FER1L6: variants seen among roughly 807,000 people sequenced by gnomAD.
The protein encoded by FER1L6 is fer-1 like family member 6, also known as fer-1-like protein 6.
In FER1L6, 177 loss-of-function variants were observed where a neutral mutation model predicts 219.2. The observed-to-expected ratio is 0.81, with a 90% CI of 0.71 to 0.91. FER1L6 has a LOEUF of 0.91. FER1L6 is among the 40% of genes least tolerant of loss of function. FER1L6 has a pLI of 0.00. For missense variants in FER1L6, 2,153 were observed against 2,259.9 expected (o/e 0.95, Z 0.96); for synonymous variants, 768 against 824.3 (o/e 0.93, Z 1.17).
intron 1 of FER1L6, among the ~76,000 whole-genome samples, chr8:123,890,243 T>C (rs968274083): frequency 3.3e-5 from 5 of 152,074 alleles, no homozygotes; most frequent in African/African-American, 1.2e-4. Flanking sequence ...GCACAAAATG[T>C]ATAGTGGTAT....
chr8:124,002,922 T>G (rs1817481187), intron 12 of FER1L6, among the ~76,000 whole-genome samples: 1 of 152,166 alleles, frequency 6.6e-6, no homozygotes, highest in Non-Finnish European at 1.5e-5. Context: ...ATGACTCTTT[T>G]TTTAGTTGAT....
At chr8:124,075,827 C>A (rs922082873) in intron 31 of FER1L6, among the ~76,000 whole-genome samples, 1 of 152,168 alleles carries the variant, frequency 6.6e-6, no homozygotes, top group African/African-American at 2.4e-5. Flanking sequence ...CATCATTAAG[C>A]GGTGCGTGAC....
intron 1 of FER1L6, among the ~76,000 whole-genome samples, chr8:123,880,401 C>A (rs908128013): frequency 1.3e-5 from 2 of 152,146 alleles, no homozygotes; most frequent in African/African-American, 4.8e-5. Flanking sequence ...TCTTCAAGTC[C>A]AGTTTATTCA....
intron 1 of FER1L6, among the ~76,000 whole-genome samples, chr8:123,926,901 C>A (rs1813583628): frequency 6.6e-6 from 1 of 152,066 alleles, no homozygotes; most frequent in Non-Finnish European, 1.5e-5. Context: ...CTCTCTCTCT[C>A]CTAAAATCAG....
chr8:123,930,105 A>T (rs1338222292), intron 1 of FER1L6, among the ~76,000 whole-genome samples: 1 of 152,194 alleles, frequency 6.6e-6, no homozygotes, highest in Admixed American at 6.5e-5. Context: ...GTAACATAGA[A>T]AAATATCACA....
At position 124,037,766 on chromosome 8, in the gene FER1L6, G is replaced by A. The variant is rs117818473; in HGVS notation, c.2465-2116G>A. On this transcript the variant is annotated intron_variant, in intron 19 of 40. Coordinates refer to ENST00000522917, the MANE Select transcript of FER1L6 (RefSeq NM_001039112.2). ...GAGCCTCAAGACAATCAAGTAAGGA[G>A]TTGTCTTTGGCACCCCCTGCCTTTC... Among the ~76,000 whole-genome samples the A allele has an allele frequency of 7.4e-3, 1,128 of 152,068 alleles. 18 individuals carry two copies. The highest frequency in any genetic ancestry group is 0.011 in the Non-Finnish European group (729 of 67,918).
chr8:124,101,226 C>T lies in FER1L6; in HGVS notation c.5013C>T (p.Val1671=), dbSNP rs776798513. 7 of 1,613,856 alleles carry T rather than the reference C, an allele frequency of 4.3e-6. 1 individual carries two copies. The South Asian group carries it at 7.7e-5, about 18-fold the overall frequency. ...ATCTCCCAGCTGAGAAGCAAATGGT[C>T]ATTACCAAGAGGGAGAACATCTTCT... ...FQYLPAEKQM[V]ITKRENIFSL... is the part of the protein sequence containing the mutation. Residue 1671 remains valine, a synonymous_variant, in exon 38 of 41, where the codon GTC becomes GTT. Coordinates refer to ENST00000522917, the MANE Select transcript of FER1L6 (RefSeq NM_001039112.2).
At position 124,049,674 on chromosome 8, in the gene FER1L6, A is replaced by G. The variant is rs745326277; in HGVS notation, c.2792A>G (p.Glu931Gly). The G allele has an allele frequency of 5.6e-6, 9 of 1,614,010 alleles. No homozygotes were observed. In the South Asian group the frequency reaches 9.9e-5, roughly 18 times the overall value. ...PVVKLADQDY[E>G]PPRLCYHPIF... ...GTGAAGCTGGCTGACCAGGACTATG[A>G]GCCCCCCAGGTTATGCTATCACCCC... Residue 931 changes from glutamate to glycine, a missense_variant, in exon 22 of 41, where the codon GAG becomes GGG. Transcript: ENST00000522917.
Position 123,910,180 on chromosome 8 carries a change from A to C in FER1L6, c.-7-45812A>C, listed in dbSNP as rs1032109755. On this transcript the variant is annotated intron_variant, in intron 1 of 40. Coordinates refer to ENST00000522917, the MANE Select transcript of FER1L6 (RefSeq NM_001039112.2). ...TGTCTGACCCGGCAGCAGCAGATTC[A>C]TCTGCTGATCAGTGGTCTAGGGTAT... Among the ~76,000 whole-genome samples the C allele has an allele frequency of 2.0e-5, 3 of 152,200 alleles. 1 individual carries two copies.
At chr8:123,958,403 A>T (rs1399762125) in intron 2 of FER1L6, among the ~76,000 whole-genome samples, 2 of 152,270 alleles carry the variant, frequency 1.3e-5, no homozygotes, top group Non-Finnish European at 1.5e-5. Flanking sequence ...AGCATGGGTC[A>T]GGCTCCAGGT....
chr8:123,946,513 C>T (rs577840806), intron 1 of FER1L6, among the ~76,000 whole-genome samples: 2 of 152,336 alleles, frequency 1.3e-5, no homozygotes, highest in South Asian at 4.1e-4. Context: ...CTTGGCCTCC[C>T]AAAGTGCTGG....
In FER1L6 at chr8:124,119,698, G is replaced by A. The variant is rs190098903; in HGVS notation, c.5482G>A (p.Ala1828Thr). ...WKNYKKYIII[A>T]FILIILIIFL... is the part of the protein sequence containing the mutation. Reference sequence around the variant, plus strand: ...GAATTACAAAAAGTACATCATCATTGCTTTCATTCTCATCATCCTCATCAT... The same window carrying A: ...GAATTACAAAAAGTACATCATCATTACTTTCATTCTCATCATCCTCATCAT... Residue 1828 changes from alanine (A) to threonine (T), a missense_variant, in exon 41 of 41, where the codon GCT (alanine) becomes ACT (threonine). Transcript: ENST00000522917. 2 of 1,613,226 alleles carry A rather than the reference G, an allele frequency of 1.2e-6. No individual in the cohort carries two copies. The highest frequency in any genetic ancestry group is 1.7e-6 in the Non-Finnish European group (2 of 1,179,262).
chr8:124,051,955 G>A lies in FER1L6; in HGVS notation c.2874+2199G>A, dbSNP rs185893339. On this transcript the variant is annotated intron_variant, in intron 22 of 40. Transcript: ENST00000522917. ...TCTCTGTTAGGGGAGCTGAGGCTGGGTGAGAGTTCTTGGGGGAATGGATTA... is the reference window on the plus strand; with the variant it reads ...TCTCTGTTAGGGGAGCTGAGGCTGGATGAGAGTTCTTGGGGGAATGGATTA... 3.8e-3 allele frequency among the ~76,000 whole-genome samples: 576 copies of A among 152,294 alleles called. 4 individuals are homozygous for A. Among genetic ancestry groups the A allele is most frequent in the African/African-American group, 0.012 (508 of 41,560 alleles).
In FER1L6 at chr8:123,853,934, A is replaced by G. The variant is rs1816577557; in HGVS notation, c.-8+1749A>G. Among the ~76,000 whole-genome samples the G allele has an allele frequency of 1.3e-5, 2 of 152,178 alleles. No individual in the cohort carries two copies. The highest frequency in any genetic ancestry group is 2.9e-5 in the Non-Finnish European group (2 of 68,018). On this transcript the variant is annotated intron_variant, in intron 1 of 40. Coordinates refer to ENST00000522917, the MANE Select transcript of FER1L6 (RefSeq NM_001039112.2). This position sits in a 1 kb window ranked among gnomAD's most constrained non-coding sequence, Gnocchi z 6.6. The stretch of plus-strand genomic sequence containing the variant: ...GCAGAAGGTGCACCTCTGAGGAGCA[A>G]AGGATGCAGGGCTTCTGTGGGCCTG...
Position 124,086,891 on chromosome 8 carries a change from T to C in FER1L6, c.4391+4433T>C, listed in dbSNP as rs570502993. Among the ~76,000 whole-genome samples, 6 of 152,284 alleles carry C rather than the reference T, an allele frequency of 3.9e-5. No individual in the cohort carries two copies. In the South Asian group the frequency reaches 1.0e-3, roughly 26 times the overall value. ...AAGCTAAAAGTTTTTTTTCCTTCAG[T>C]ACTTTAAATGTGTCATGCTACTCTC... On this transcript the variant is annotated intron_variant, in intron 33 of 40. Transcript: ENST00000522917.
intron 1 of FER1L6, among the ~76,000 whole-genome samples, chr8:123,889,339 G>GT (rs1450288966): frequency 5.3e-5 from 8 of 152,276 alleles, no homozygotes; most frequent in Middle Eastern, 3.4e-3. Flanking sequence ...ATATAAATGA[G>GT]TAAGTGCACT....
At chr8:124,084,219 CTTCT>C (rs1470412123) in intron 33 of FER1L6, among the ~76,000 whole-genome samples, 1 of 150,742 alleles carries the variant, frequency 6.6e-6, no homozygotes, top group Admixed American at 6.6e-5. Flanking sequence ...ACAAGGGTAA[CTTCT>C]TTCTTTCCAA....
chr8:124,070,664 T>A, intron 30 of FER1L6, 66 bp downstream of exon 30: 2 of 1,396,230 alleles, frequency 1.4e-6, no homozygotes, highest in South Asian at 2.8e-5. Context: ...ATGACTCGAT[T>A]CTGTTAATGG....
Position 123,975,300 on chromosome 8 carries a change from TAGAA to T in FER1L6, c.679_682del (p.Glu227ArgfsTer4). ...AAAACTTCTGACACCGAGGAGCCAATAGAAAAGTAAGACAGGTCCATCCTGGGTT... is the reference window on the plus strand; with the variant it reads ...AAAACTTCTGACACCGAGGAGCCAATAAGTAAGACAGGTCCATCCTGGGTT... On this transcript the variant is annotated frameshift_variant and splice_region_variant, in exon 8 of 41. Transcript: ENST00000522917. LOFTEE classifies it high-confidence loss of function. The T allele has an allele frequency of 7.5e-6, 12 of 1,608,008 alleles. No individual in the cohort carries two copies. The highest frequency in any genetic ancestry group is 9.3e-6 in the Non-Finnish European group (11 of 1,176,658).
Sources: gnomAD v4.1 joint callset for allele counts (sites outside exome capture counted in the v4.1 genomes callset) on GRCh38, gnomAD v4.1.1 for gene constraint, Gnocchi (gnomAD v3.1) non-coding constraint, MANE v1.5 for transcripts, NCBI Gene and HGNC (gene_info 2026-07-23, HGNC 2026-07-21) for gene names.